RBM46: variants seen among roughly 807,000 people sequenced by gnomAD.
RBM46 encodes the protein RNA binding motif protein 46.
RBM46 carries 12 observed loss-of-function variants against 43.3 expected under a neutral mutation model. The observed-to-expected ratio is 0.28, with a 90% CI of 0.18 to 0.45. The LOEUF is 0.45. Among genes scored for constraint, RBM46 ranks in the 20% least tolerant of loss-of-function variants. The pLI, the probability that RBM46 is intolerant of heterozygous loss-of-function variation, is 1.00. For missense variants in RBM46, 412 were observed against 639.1 expected (o/e 0.64, Z 3.83); for synonymous variants, 205 against 207.6 (o/e 0.99, Z 0.11).
intron 1 of RBM46, among the ~76,000 whole-genome samples, chr4:154,793,342 T>C (rs1403750969): frequency 6.6e-6 from 1 of 152,238 alleles, no homozygotes; most frequent in Admixed American, 6.5e-5. Context: ...CTTATATCTT[T>C]GTATACTCTT....
At chr4:154,783,685 ATT>A (rs1369470708) in intron 1 of RBM46, among the ~76,000 whole-genome samples, 1 of 152,210 alleles carries the variant, frequency 6.6e-6, no homozygotes, top group Non-Finnish European at 1.5e-5. Flanking sequence ...TCAAAGCAGT[ATT>A]TTTTAAAAGT....
intron 4 of RBM46, among the ~76,000 whole-genome samples, chr4:154,811,558 A>T (rs759140253): frequency 6.6e-6 from 1 of 152,168 alleles, no homozygotes; most frequent in Non-Finnish European, 1.5e-5. Flanking sequence ...TATAAATATT[A>T]GAAATAATAA....
At chr4:154,797,378 C>CA (rs1367737373) in intron 2 of RBM46, among the ~76,000 whole-genome samples, 1 of 152,196 alleles carries the variant, frequency 6.6e-6, no homozygotes, top group Non-Finnish European at 1.5e-5. Context: ...CTGGGTACCT[C>CA]AATGGCTGTA....
intron 4 of RBM46, among the ~76,000 whole-genome samples, chr4:154,804,891 TG>T (rs1402245947): frequency 2.0e-5 from 3 of 151,328 alleles, no homozygotes; most frequent in African/African-American, 7.3e-5. Context: ...CTAAGCATTC[TG>T]GAGCTAAAGA....
At chr4:154,793,713 G>A (rs1396066091) in intron 1 of RBM46, among the ~76,000 whole-genome samples, 11 of 152,262 alleles carry the variant, frequency 7.2e-5, no homozygotes, top group Middle Eastern at 3.4e-3. Context: ...AATATTGAGA[G>A]ATTTTGAAAA....
At position 154,828,083 on chromosome 4, in the gene RBM46, T is replaced by C. The variant is rs773263278; in HGVS notation, c.*16T>C. The stretch of plus-strand genomic sequence containing the variant: ...CTTCTTCTGAAGAAAATACTAACAT[T>C]AGTATGAAAATTTGTGTAAATTTGT... On this transcript the variant is annotated 3_prime_UTR_variant, in exon 5 of 5. Coordinates refer to ENST00000281722, the MANE Select transcript of RBM46 (RefSeq NM_144979.5). 3.9e-6 allele frequency: 6 copies of C among 1,537,528 alleles called. No homozygotes were observed. The highest frequency in any genetic ancestry group is 5.4e-6 in the Non-Finnish European group (6 of 1,111,376).
intron 1 of RBM46, among the ~76,000 whole-genome samples, chr4:154,783,721 G>A (rs1452423298): frequency 6.6e-6 from 1 of 151,978 alleles, no homozygotes; most frequent in Non-Finnish European, 1.5e-5. Context: ...TTTTTAAATA[G>A]TTCAATTTTT....
At chr4:154,798,602 A>C (rs1475859333) in intron 3 of RBM46, among the ~76,000 whole-genome samples, 180 bp from the exon 4 acceptor site, 1 of 152,214 alleles carries the variant, frequency 6.6e-6, no homozygotes, top group African/African-American at 2.4e-5. Flanking sequence ...CTGAAATTAC[A>C]TAGTAAGTTT....
At chr4:154,815,588 C>T (rs573064823) in intron 4 of RBM46, among the ~76,000 whole-genome samples, 1 of 152,038 alleles carries the variant, frequency 6.6e-6, no homozygotes. Context: ...GATTATAGGG[C>T]ATTACGCTAT....
intron 1 of RBM46, among the ~76,000 whole-genome samples, chr4:154,785,737 ACT>A (rs35879473): frequency 0.02 from 2,995 of 151,954 alleles, 117 homozygotes; most frequent in African/African-American, 0.069. Flanking sequence ...GCCATTGAAG[ACT>A]CTCTGGACTA....
At chr4:154,827,365 A>C (rs1204397066) in intron 4 of RBM46, 1 of 981,452 alleles carries the variant, frequency 1.0e-6, no homozygotes, top group Admixed American at 6.1e-5. Context: ...TGTTTATATT[A>C]GTATTTAAAT....
intron 4 of RBM46, among the ~76,000 whole-genome samples, chr4:154,809,690 T>C (rs1373798352): frequency 1.3e-5 from 2 of 152,130 alleles, no homozygotes; most frequent in Non-Finnish European, 2.9e-5. Flanking sequence ...TGACATTGTT[T>C]CATACTGATG....
chr4:154,784,273 G>A (rs1733650515), intron 1 of RBM46, among the ~76,000 whole-genome samples: 1 of 152,130 alleles, frequency 6.6e-6, no homozygotes, highest in Non-Finnish European at 1.5e-5. Context: ...AGTTGAAGTA[G>A]TTTTAATACA....
intron 4 of RBM46, among the ~76,000 whole-genome samples, chr4:154,811,669 C>CTG (rs70947182): frequency 0.084 from 11,016 of 130,654 alleles, 539 homozygotes; most frequent in Non-Finnish European, 0.13. Context: ...GTGTGTGTGT[C>CTG]TGTGTGTGTG....
chr4:154,796,866 G>A lies in RBM46; in HGVS notation c.114G>A (p.Gln38=). ...AAAAGACTGGTTACAACATGGTTCA[G>A]GAAAATGGACAAAGGAAATTTGGCG... ...LMEKTGYNMV[Q]ENGQRKFGGP... Residue 38 remains glutamine (Q), a synonymous_variant, in exon 2 of 5, where the codon CAG becomes CAA. Coordinates refer to ENST00000281722, the MANE Select transcript of RBM46 (RefSeq NM_144979.5). The A allele has an allele frequency of 3.7e-6, 6 of 1,613,760 alleles. No homozygotes were observed. The highest frequency in any genetic ancestry group is 5.1e-6 in the Non-Finnish European group (6 of 1,179,850).
chr4:154,806,161 A>G (rs946796649), intron 4 of RBM46, among the ~76,000 whole-genome samples: 9 of 151,788 alleles, frequency 5.9e-5, no homozygotes, highest in Admixed American at 1.3e-4. Context: ...TTTTTCTGAA[A>G]GACCATTTAA....
Position 154,828,270 on chromosome 4 carries a change from A to T in RBM46, c.*203A>T, listed in dbSNP as rs534466796. 3 of 557,768 alleles carry T rather than the reference A, an allele frequency of 5.4e-6. No homozygotes were observed. In the African/African-American group the frequency reaches 5.7e-5, roughly 11 times the overall value. 34.6% of individuals were successfully genotyped at this position (557,768 alleles called of 1,614,324 possible). ...AAATGCAAAGTTTAAAAAGTTATTC[A>T]GTGGTTTCTCTTGATAAAGGTACAG... On this transcript the variant is annotated 3_prime_UTR_variant, in exon 5 of 5. Coordinates refer to ENST00000281722, the MANE Select transcript of RBM46 (RefSeq NM_144979.5).
chr4:154,788,961 CAT>C (rs1225484938), intron 1 of RBM46, among the ~76,000 whole-genome samples: 2 of 152,012 alleles, frequency 1.3e-5, no homozygotes, highest in Non-Finnish European at 2.9e-5. Context: ...AATTGCTTCA[CAT>C]GATTTGGCTC....
At chr4:154,810,650 TTCTC>T (rs1380680158) in intron 4 of RBM46, among the ~76,000 whole-genome samples, 16 of 152,262 alleles carry the variant, frequency 1.1e-4, no homozygotes, top group Admixed American at 2.6e-4. Context: ...CTGCTAAAAA[TTCTC>T]TCAGTACAAA....
Sources: allele counts gnomAD v4.1 joint callset (sites outside exome capture counted in the v4.1 genomes callset), GRCh38; gene constraint gnomAD v4.1.1; transcripts MANE v1.5; gene names NCBI Gene and HGNC (gene_info 2026-07-23, HGNC 2026-07-21).